NRG1: variants seen among roughly 807,000 people sequenced by gnomAD.
NRG1 encodes pro-neuregulin-1, membrane-bound isoform.
Under a neutral mutation model 63.8 loss-of-function variants are expected in NRG1, and 18 were observed. The observed-to-expected ratio is 0.28, with a 90% CI of 0.19 to 0.42. NRG1 has a LOEUF of 0.42. Ranked by LOEUF, NRG1 falls within the 10% of genes least tolerant of loss-of-function variation. NRG1 has a pLI of 1.00. For synonymous variants in NRG1, 302 were observed against 301.3 expected, an observed-to-expected ratio of 1.00 and a Z score of -0.02; for missense variants, 762 against 814.7, an observed-to-expected ratio of 0.94 and a Z score of 0.79.
intron 1 of NRG1, among the ~76,000 whole-genome samples, chr8:32,027,568 G>A (rs1378206368): frequency 6.7e-6 from 1 of 150,138 alleles, no homozygotes; most frequent in Non-Finnish European, 1.5e-5. Flanking sequence ...TGCCAAGTTA[G>A]GTGGGATATA....
intron 1 of NRG1, among the ~76,000 whole-genome samples, chr8:31,770,508 A>C: frequency 6.6e-6 from 1 of 151,710 alleles, no homozygotes; most frequent in Non-Finnish European, 1.5e-5. Flanking sequence ...TCAGCAAACT[A>C]TCGCAAGGAC....
intron 1 of NRG1, among the ~76,000 whole-genome samples, chr8:32,293,752 C>T (rs1321112910): frequency 1.8e-5 from 2 of 111,190 alleles, no homozygotes; most frequent in Non-Finnish European, 3.4e-5. Context: ...TGGAGTTTCA[C>T]TCTGTCGCCC....
chr8:31,803,466 C>A (rs889726770), intron 1 of NRG1, among the ~76,000 whole-genome samples: 2 of 152,274 alleles, frequency 1.3e-5, no homozygotes, highest in African/African-American at 4.8e-5. Flanking sequence ...TTAGACATCA[C>A]CTTGGGTAAC....
intron 5 of NRG1, among the ~76,000 whole-genome samples, chr8:32,677,618 C>T (rs1434137785): frequency 6.6e-6 from 1 of 152,028 alleles, no homozygotes; most frequent in Non-Finnish European, 1.5e-5. Flanking sequence ...GATCATGCCA[C>T]TGCACTCCAG....
chr8:32,623,771 T>C (rs1050139321), intron 5 of NRG1, among the ~76,000 whole-genome samples: 1 of 152,230 alleles, frequency 6.6e-6, no homozygotes, highest in Non-Finnish European at 1.5e-5. Flanking sequence ...CAATACTGCT[T>C]GCGAGTATAA....
intron 1 of NRG1, among the ~76,000 whole-genome samples, chr8:32,521,268 T>A (rs915115681): frequency 6.6e-6 from 1 of 152,202 alleles, no homozygotes; most frequent in Admixed American, 6.5e-5. Flanking sequence ...TGTCTGTCTT[T>A]CCCTAAAGCA....
intron 1 of NRG1, among the ~76,000 whole-genome samples, chr8:32,577,731 T>A (rs1469611711): frequency 1.3e-5 from 2 of 152,120 alleles, no homozygotes; most frequent in Non-Finnish European, 2.9e-5. Flanking sequence ...AGACCTTGGT[T>A]CTTGAGGACA....
chr8:32,641,484 C>T (rs1852385962), intron 5 of NRG1, among the ~76,000 whole-genome samples: 1 of 152,156 alleles, frequency 6.6e-6, no homozygotes, highest in Admixed American at 6.5e-5. Context: ...AATGATTTTA[C>T]TTATGGAGAG....
At chr8:32,224,605 C>T (rs1428420047) in intron 1 of NRG1, among the ~76,000 whole-genome samples, 10 of 152,152 alleles carry the variant, frequency 6.6e-5, no homozygotes. Context: ...TAATCAAAGT[C>T]CACAAGAACT....
intron 1 of NRG1, among the ~76,000 whole-genome samples, chr8:32,134,179 A>C: frequency 6.6e-6 from 1 of 152,298 alleles, no homozygotes; most frequent in East Asian, 1.9e-4. Flanking sequence ...TATAGAAGAC[A>C]CTAAAATTTT....
At chr8:32,763,523 C>A (rs538143192) in intron 11 of NRG1, among the ~76,000 whole-genome samples, 1 of 152,276 alleles carries the variant, frequency 6.6e-6, no homozygotes, top group East Asian at 1.9e-4. Flanking sequence ...ATGAGCTAGG[C>A]AATTTAGCTG....
At chr8:32,265,872 CAATAT>C (rs1436015189) in intron 1 of NRG1, among the ~76,000 whole-genome samples, 4 of 151,894 alleles carry the variant, frequency 2.6e-5, no homozygotes, top group Non-Finnish European at 4.4e-5. Context: ...AAAATCAATA[CAATAT>C]AACAACTATT....
Position 32,404,694 on chromosome 8 carries a change from C to G in NRG1, c.38-191134C>G, listed in dbSNP as rs578088012. 2.2e-3 allele frequency among the ~76,000 whole-genome samples: 327 copies of G among 150,894 alleles called. 1 individual carries two copies. The highest frequency in any genetic ancestry group is 7.7e-3 in the African/African-American group (318 of 41,090). Reference sequence around the variant, plus strand: ...CCACCTCCTGAGTTCAAGCAATTCTCCTGCCTCAGCCTCCCTAGTAACTGG... The same window carrying G: ...CCACCTCCTGAGTTCAAGCAATTCTGCTGCCTCAGCCTCCCTAGTAACTGG... On this transcript the variant is annotated intron_variant, in intron 1 of 10. Transcript: ENST00000519301.
At chr8:32,245,073 A>G (rs900709622) in intron 1 of NRG1, among the ~76,000 whole-genome samples, 3 of 152,138 alleles carry the variant, frequency 2.0e-5, no homozygotes, top group South Asian at 2.1e-4. Context: ...TGAGCTTTTC[A>G]CCAGAATTTG....
At chr8:32,499,177 C>A (rs1827567180) in intron 1 of NRG1, among the ~76,000 whole-genome samples, 1 of 152,182 alleles carries the variant, frequency 6.6e-6, no homozygotes, top group Non-Finnish European at 1.5e-5. Flanking sequence ...ATAGGTCAGT[C>A]AACTTCAACA....
chr8:32,171,915 TG>T (rs1478492538), intron 1 of NRG1, among the ~76,000 whole-genome samples: 1 of 152,152 alleles, frequency 6.6e-6, no homozygotes, highest in East Asian at 1.9e-4. Flanking sequence ...ACTCCACCTC[TG>T]GGGGCAGGGA....
At chr8:31,676,324 A>T (rs564312283) in intron 1 of NRG1, among the ~76,000 whole-genome samples, 1 of 152,162 alleles carries the variant, frequency 6.6e-6, no homozygotes, top group Non-Finnish European at 1.5e-5. Flanking sequence ...AGACCCAACA[A>T]TATTTCCATG....
chr8:32,128,635 C>A lies in NRG1; in HGVS notation c.38-467193C>A, dbSNP rs563418573. 5.9e-5 allele frequency among the ~76,000 whole-genome samples: 9 copies of A among 152,008 alleles called. No individual in the cohort carries two copies. The South Asian group carries it at 1.7e-3, about 28-fold the overall frequency. ...CAGCTTTCCCAAGGTGCAGGCTGCC[C>A]ATGTTTAGTCTTTCTCACTTTCCAA... On this transcript the variant is annotated intron_variant, in intron 1 of 10. Transcript: ENST00000519301.
intron 1 of NRG1, among the ~76,000 whole-genome samples, chr8:32,082,963 CTAAA>C (rs1032279839): frequency 1.1e-4 from 17 of 152,172 alleles, no homozygotes; most frequent in African/African-American, 3.9e-4. Flanking sequence ...TCATCAAAAA[CTAAA>C]TAAAGGGCAA....
Sources: gnomAD v4.1 joint callset for allele counts (sites outside exome capture counted in the v4.1 genomes callset) on GRCh38, gnomAD v4.1.1 for gene constraint, MANE v1.5 for transcripts, NCBI Gene and HGNC (gene_info 2026-07-23, HGNC 2026-07-21) for gene names.